STK39: variants seen among roughly 807,000 people sequenced by gnomAD.
STK39 encodes serine/threonine kinase 39.
Under a neutral mutation model 77.8 loss-of-function variants are expected in STK39, and 20 were observed. That is an observed-to-expected ratio of 0.26 (90% CI 0.18 to 0.37). The LOEUF (loss-of-function observed/expected upper bound fraction) is 0.37, where lower values mean the gene tolerates loss of function less well. STK39 is among the 10% of genes least tolerant of loss of function. STK39 has a pLI of 1.00. For synonymous variants in STK39, 246 were observed against 234.1 expected, an observed-to-expected ratio of 1.05 and a Z score of -0.47; for missense variants, 479 against 656.5, an observed-to-expected ratio of 0.73 and a Z score of 2.95.
Position 168,129,732 on chromosome 2 carries a change from C to G in STK39, c.1001G>C (p.Cys334Ser), listed in dbSNP as rs1164014837. The G allele has an allele frequency of 2.5e-6, 4 of 1,613,992 alleles. No individual in the cohort carries two copies. Among genetic ancestry groups the G allele is most frequent in the Non-Finnish European group, 3.4e-6 (4 of 1,179,926 alleles). Residue 334 changes from cysteine to serine, a missense_variant, in exon 9 of 18, where the codon TGC (cysteine) becomes TCC (serine). This residue lies in a region of STK39 where 244 missense variants were observed against 296.8 expected (regional missense o/e 0.82). Coordinates refer to ENST00000355999, the MANE Select transcript of STK39 (RefSeq NM_013233.3). ...TACCTTGGCTTTCTGGAAGAATTTG[C>G]ATTTTAAAAGTTCTGCTGCTGTGGG... ...KRPTAAELLK[C>S]KFFQKAKNRE... is the part of the protein sequence containing the mutation.
intron 1 of STK39, among the ~76,000 whole-genome samples, chr2:168,236,972 A>G (rs532365480): frequency 0.034 from 5,242 of 152,082 alleles, 290 homozygotes; most frequent in African/African-American, 0.12. Flanking sequence ...GTTTTTTCCA[A>G]TTCTGTGAAG....
intron 14 of STK39, among the ~76,000 whole-genome samples, chr2:168,062,218 C>T (rs1685683400): frequency 6.6e-6 from 1 of 152,162 alleles, no homozygotes; most frequent in African/African-American, 2.4e-5. Flanking sequence ...ACCACTACAC[C>T]TCAATGACAA....
chr2:168,021,266 T>C (rs537102615), intron 14 of STK39, among the ~76,000 whole-genome samples: 2 of 152,298 alleles, frequency 1.3e-5, no homozygotes, highest in South Asian at 4.1e-4. Context: ...CCAACACCCA[T>C]AATCTCTGCC....
chr2:168,171,346 C>T (rs150508354), intron 2 of STK39, among the ~76,000 whole-genome samples: 74 of 152,024 alleles, frequency 4.9e-4, no homozygotes, highest in African/African-American at 1.6e-3. Context: ...TTTGCCAAAC[C>T]AGACATTACG....
At chr2:168,188,292 A>C (rs146724532) in intron 1 of STK39, among the ~76,000 whole-genome samples, 245 of 152,338 alleles carry the variant, frequency 1.6e-3, no homozygotes, top group Non-Finnish European at 2.8e-3. Context: ...TGTGAGCTCT[A>C]CAGGAGTACA....
At chr2:168,117,463 A>G (rs1687286952) in intron 10 of STK39, among the ~76,000 whole-genome samples, 2 of 152,228 alleles carry the variant, frequency 1.3e-5, no homozygotes, top group Non-Finnish European at 2.9e-5. Flanking sequence ...ATGCTCCACA[A>G]GAATTGATAG....
At chr2:167,976,402 C>T (rs78300817) in intron 16 of STK39, among the ~76,000 whole-genome samples, 2 of 152,222 alleles carry the variant, frequency 1.3e-5, no homozygotes, top group Non-Finnish European at 2.9e-5. Context: ...CTTTGGAAGA[C>T]AGTTAGGTTA....
At chr2:168,048,523 A>G (rs920971800) in intron 14 of STK39, among the ~76,000 whole-genome samples, 1 of 79,608 alleles carries the variant, frequency 1.3e-5, no homozygotes, top group Admixed American at 1.4e-4. Flanking sequence ...GGCCCGGCCT[A>G]TGCTTTTTAA....
At chr2:168,240,371 A>G (rs1331043496) in intron 1 of STK39, among the ~76,000 whole-genome samples, 1 of 152,238 alleles carries the variant, frequency 6.6e-6, no homozygotes, top group Non-Finnish European at 1.5e-5. Context: ...TCTGGTAGCA[A>G]TGCACACTAC....
chr2:168,023,491 G>A (rs550887755), intron 14 of STK39, among the ~76,000 whole-genome samples: 93 of 152,136 alleles, frequency 6.1e-4, no homozygotes, highest in Admixed American at 1.1e-3. Context: ...ATATTTTACA[G>A]GATGTAGCTT....
intron 1 of STK39, among the ~76,000 whole-genome samples, chr2:168,230,569 A>C (rs983174235): frequency 1.3e-5 from 2 of 152,202 alleles, no homozygotes; most frequent in Non-Finnish European, 2.9e-5. Flanking sequence ...TTGTATTATA[A>C]GCAAGTACAA....
At chr2:168,153,640 G>A (rs551910987) in intron 5 of STK39, among the ~76,000 whole-genome samples, 1 of 47,778 alleles carries the variant, frequency 2.1e-5, no homozygotes, top group Non-Finnish European at 3.4e-5. Context: ...AATATGGGGT[G>A]GGGGGGGGTT....
At position 168,020,295 on chromosome 2, in the gene STK39, A is replaced by T. The variant is rs185797214; in HGVS notation, c.1377-3200T>A. Among the ~76,000 whole-genome samples the T allele has an allele frequency of 2.0e-5, 3 of 152,316 alleles. 1 individual carries two copies. On this transcript the variant is annotated intron_variant, in intron 14 of 17. Transcript: ENST00000355999. ...TTCCTTTTCAAAATGAAAACAATTC[A>T]GTGAAAAAGAGTCCATTGCTTCACA...
At chr2:168,110,164 T>C (rs767472830) in intron 10 of STK39, among the ~76,000 whole-genome samples, 6 of 152,214 alleles carry the variant, frequency 3.9e-5, no homozygotes, top group Non-Finnish European at 8.8e-5. Flanking sequence ...GCCTGTTACA[T>C]TAAGTGTCTA....
intron 1 of STK39, among the ~76,000 whole-genome samples, chr2:168,190,509 G>A (rs933078236): frequency 2.6e-5 from 4 of 152,158 alleles, no homozygotes; most frequent in Non-Finnish European, 5.9e-5. Context: ...TGTTCCATCC[G>A]AATTTCAATT....
intron 10 of STK39, chr2:168,112,984 C>G (rs1156951078): frequency 6.6e-6 from 1 of 152,182 alleles, no homozygotes; most frequent in Non-Finnish European, 1.5e-5. Flanking sequence ...GGGTATCTTC[C>G]AGTTCTAGAG....
At chr2:168,187,343 T>C (rs1368137312) in intron 1 of STK39, among the ~76,000 whole-genome samples, 1 of 90,764 alleles carries the variant, frequency 1.1e-5, no homozygotes, top group African/African-American at 4.6e-5. Flanking sequence ...AGAGTGAGAC[T>C]CCATCTCAAA....
In STK39 at chr2:168,014,393, G is replaced by A. The variant is rs1213235902; in HGVS notation, c.1430-1691C>T. On this transcript the variant is annotated intron_variant, in intron 15 of 17. Transcript: ENST00000355999. ...CAGCTACTTGGGAGGCTGGGTGGAA[G>A]GATCACTTGAGCCTGGGAGGTCGAG... 2.0e-5 allele frequency among the ~76,000 whole-genome samples: 3 copies of A among 152,032 alleles called. No individual in the cohort carries two copies. In the East Asian group the frequency reaches 5.8e-4, roughly 29 times the overall value.
intron 17 of STK39, among the ~76,000 whole-genome samples, chr2:167,958,960 A>G (rs1204643784): frequency 6.6e-6 from 1 of 152,184 alleles, no homozygotes; most frequent in Admixed American, 6.5e-5. Context: ...AATCATACCC[A>G]TTAACATCAC....
Sources: gnomAD v4.1 joint callset for allele counts (sites outside exome capture counted in the v4.1 genomes callset) on GRCh38, gnomAD v4.1.1 for gene constraint, gnomAD v4.1.1 regional missense constraint, MANE v1.5 for transcripts, NCBI Gene and HGNC (gene_info 2026-07-23, HGNC 2026-07-21) for gene names.